The following SLC4A4 variants were observed in gnomAD, a reference collection of about 807,000 sequenced individuals.
The protein encoded by SLC4A4 is solute carrier family 4 member 4, also known as electrogenic sodium bicarbonate cotransporter 1.
In SLC4A4, 27 loss-of-function variants were observed where a neutral mutation model predicts 111.5. That is an observed-to-expected ratio of 0.24 (90% CI 0.18 to 0.33). SLC4A4 has a LOEUF of 0.33. SLC4A4 is among the 10% of genes least tolerant of loss of function. The pLI, the probability that SLC4A4 is intolerant of heterozygous loss-of-function variation, is 1.00. For synonymous variants in SLC4A4, 443 were observed against 463.4 expected (o/e 0.96, Z 0.57); for missense variants, 909 against 1,315.5 (o/e 0.69, Z 4.78).
At chr4:71,097,268 C>T (rs536739204) in intron 2 of SLC4A4, among the ~76,000 whole-genome samples, 2 of 152,236 alleles carry the variant, frequency 1.3e-5, no homozygotes, top group East Asian at 3.9e-4. Context: ...AGTGAGGACA[C>T]GTGGTATTTG....
intron 1 of SLC4A4, among the ~76,000 whole-genome samples, chr4:71,090,118 G>A (rs369511597): frequency 0.014 from 2,142 of 152,078 alleles, 67 homozygotes; most frequent in African/African-American, 0.049. Flanking sequence ...CCCCAGCCTC[G>A]CTGCCACCTT....
At chr4:71,335,464 T>G (rs1254627593) in intron 3 of SLC4A4, among the ~76,000 whole-genome samples, 1 of 152,170 alleles carries the variant, frequency 6.6e-6, no homozygotes, top group African/African-American at 2.4e-5. Context: ...ATTTCATGAT[T>G]GGAAAGGCAT....
At chr4:71,387,480 C>T (rs1205111681) in intron 6 of SLC4A4, among the ~76,000 whole-genome samples, 2 of 151,886 alleles carry the variant, frequency 1.3e-5, no homozygotes, top group Non-Finnish European at 2.9e-5. Flanking sequence ...GAAGTGGTAC[C>T]CTACTTCAAG....
intron 4 of SLC4A4, among the ~76,000 whole-genome samples, chr4:71,345,582 T>G (rs1049256135): frequency 2.6e-5 from 4 of 152,014 alleles, no homozygotes; most frequent in African/African-American, 9.7e-5. Context: ...ACACCACAAA[T>G]GTACACCCAC....
rs986383777 is a variant in SLC4A4, at chr4:71,384,473, A to G, written c.731-13104A>G. On this transcript the variant is annotated intron_variant, in intron 6 of 25. Coordinates refer to ENST00000264485, the MANE Select transcript of SLC4A4 (RefSeq NM_001098484.3). ...AATGTGCAGTCAGCAAGACCTGAGGAGTTTACTGCATGAGGAAGCCAATTG... is the reference window on the plus strand; with the variant it reads ...AATGTGCAGTCAGCAAGACCTGAGGGGTTTACTGCATGAGGAAGCCAATTG... Among the ~76,000 whole-genome samples the G allele has an allele frequency of 4.6e-5, 7 of 152,038 alleles. No homozygotes were observed. In the South Asian group the frequency reaches 1.4e-3, roughly 31 times the overall value.
At chr4:71,255,807 C>T (rs550524127) in intron 3 of SLC4A4, among the ~76,000 whole-genome samples, 1 of 152,252 alleles carries the variant, frequency 6.6e-6, no homozygotes, top group Admixed American at 6.5e-5. Context: ...TATATATTTA[C>T]ATATCTTACC....
chr4:71,101,980 G>A (rs995762544), intron 2 of SLC4A4, among the ~76,000 whole-genome samples: 5 of 151,306 alleles, frequency 3.3e-5, no homozygotes, highest in African/African-American at 7.3e-5. Context: ...TCTGAGCTAC[G>A]GGAGGACATT....
intron 2 of SLC4A4, among the ~76,000 whole-genome samples, chr4:71,144,121 G>A (rs1484545238): frequency 1.3e-5 from 2 of 152,172 alleles, no homozygotes. Flanking sequence ...ATTAATTTTT[G>A]TATAAGGTGT....
chr4:71,141,007 G>T lies in SLC4A4; in HGVS notation c.-2+48215G>T, dbSNP rs141474858. Among the ~76,000 whole-genome samples, 15 of 152,164 alleles carry T rather than the reference G, an allele frequency of 9.9e-5. No individual in the cohort carries two copies. In the East Asian group the frequency reaches 2.9e-3, roughly 29 times the overall value. On this transcript the variant is annotated intron_variant, in intron 2 of 26. Transcript: ENST00000649996. ...CCTCAAATACTTAGCATTTTTTGTGGAGAGAATATTTGAAATTTACTTCCT... is the reference window on the plus strand; with the variant it reads ...CCTCAAATACTTAGCATTTTTTGTGTAGAGAATATTTGAAATTTACTTCCT...
intron 3 of SLC4A4, among the ~76,000 whole-genome samples, chr4:71,273,606 T>A (rs891966139): frequency 1.5e-4 from 23 of 152,120 alleles, no homozygotes; most frequent in African/African-American, 5.3e-4. Flanking sequence ...TTTGTATTAC[T>A]GATAGTAGGG....
chr4:71,387,210 A>G (rs1209265774), intron 6 of SLC4A4, among the ~76,000 whole-genome samples: 1 of 152,200 alleles, frequency 6.6e-6, no homozygotes, highest in Admixed American at 6.5e-5. Flanking sequence ...TTTTAACTCC[A>G]TGTCCCTCTG....
chr4:71,408,112 A>G (rs1721039322), intron 7 of SLC4A4, among the ~76,000 whole-genome samples: 1 of 152,206 alleles, frequency 6.6e-6, no homozygotes, highest in Non-Finnish European at 1.5e-5. Flanking sequence ...ATCATAGATT[A>G]TACTTTTTTA....
chr4:71,469,883 A>G (rs1727705233), intron 13 of SLC4A4, among the ~76,000 whole-genome samples: 1 of 151,984 alleles, frequency 6.6e-6, no homozygotes, highest in Non-Finnish European at 1.5e-5. Flanking sequence ...AAGTTTATAC[A>G]TGTATCTTTT....
chr4:71,488,818 A>G (rs980483291), intron 15 of SLC4A4, among the ~76,000 whole-genome samples: 1 of 151,348 alleles, frequency 6.6e-6, no homozygotes, highest in Non-Finnish European at 1.5e-5. Flanking sequence ...ATATGCATCA[A>G]TTGCATACCT....
chr4:71,318,645 T>C (rs2579352), intron 3 of SLC4A4, among the ~76,000 whole-genome samples: 4,419 of 152,088 alleles, frequency 0.029, 228 homozygotes, highest in African/African-American at 0.1. Flanking sequence ...ATAGCCCCTT[T>C]GGTGTGTTTT....
intron 1 of SLC4A4, among the ~76,000 whole-genome samples, chr4:71,083,655 G>A (rs1742056957): frequency 6.6e-6 from 1 of 151,952 alleles, no homozygotes; most frequent in African/African-American, 2.4e-5. Context: ...GTTGATATGA[G>A]GTTGGTGGAG....
intron 2 of SLC4A4, among the ~76,000 whole-genome samples, chr4:71,147,678 T>C (rs542294288): frequency 3.6e-4 from 55 of 152,142 alleles, no homozygotes; most frequent in Admixed American, 7.2e-4. Flanking sequence ...GAACATCACA[T>C]TTCAGAACAC....
intron 2 of SLC4A4, among the ~76,000 whole-genome samples, chr4:71,175,063 T>C (rs1419228339): frequency 6.6e-6 from 1 of 152,242 alleles, no homozygotes; most frequent in Non-Finnish European, 1.5e-5. Context: ...TATTAATCTA[T>C]CAGGTAGGCT....
At chr4:71,213,076 A>G (rs1718230580) in intron 1 of SLC4A4, among the ~76,000 whole-genome samples, 1 of 152,192 alleles carries the variant, frequency 6.6e-6, no homozygotes. Context: ...TAGGTGTGTA[A>G]GAGGCTGTAC....
Sources: gnomAD v4.1 joint callset for allele counts (sites outside exome capture counted in the v4.1 genomes callset) on GRCh38, gnomAD v4.1.1 for gene constraint, MANE v1.5 for transcripts, NCBI Gene and HGNC (gene_info 2026-07-23, HGNC 2026-07-21) for gene names.